Variants in DNAH7 observed in about 807,000 individuals in gnomAD.
The protein encoded by DNAH7 is dynein axonemal heavy chain 7, also known as axonemal beta dynein heavy chain 7.
In DNAH7, 397 loss-of-function variants were observed where a neutral mutation model predicts 444.6. The ratio of observed to expected loss-of-function variants is 0.89; its 90% CI spans 0.82 to 0.97. The LOEUF (loss-of-function observed/expected upper bound fraction) is 0.97. Among genes scored for constraint, DNAH7 ranks in the 50% least tolerant of loss-of-function variants. DNAH7 has a pLI of 0.00. For synonymous variants in DNAH7, 1,636 were observed against 1,624.4 expected, an observed-to-expected ratio of 1.01 and a Z score of -0.17; for missense variants, 4,902 against 4,800.8, an observed-to-expected ratio of 1.02 and a Z score of -0.62.
intron 63 of DNAH7, among the ~76,000 whole-genome samples, chr2:195,745,602 A>G (rs966369530): frequency 1.3e-5 from 2 of 152,216 alleles, no homozygotes; most frequent in East Asian, 3.8e-4. Flanking sequence ...GGGCAGCCAG[A>G]GACAAAGGTC....
At chr2:195,760,322 G>A (rs1298336550) in intron 61 of DNAH7, among the ~76,000 whole-genome samples, 7 of 152,164 alleles carry the variant, frequency 4.6e-5, no homozygotes, top group African/African-American at 4.8e-5. Context: ...CAGCATCTCT[G>A]GACTCATCCA....
At chr2:195,916,664 C>A (rs538696364) in intron 24 of DNAH7, among the ~76,000 whole-genome samples, 3 of 152,176 alleles carry the variant, frequency 2.0e-5, no homozygotes, top group African/African-American at 7.2e-5. Context: ...TTGAGACCAG[C>A]CTGGCTAAAA....
intron 5 of DNAH7, among the ~76,000 whole-genome samples, chr2:196,029,295 T>C (rs1695887089): frequency 6.6e-6 from 1 of 152,114 alleles, no homozygotes; most frequent in Admixed American, 6.5e-5. Flanking sequence ...GAAATGCTCA[T>C]CCTACCTACC....
intron 10 of DNAH7, among the ~76,000 whole-genome samples, chr2:196,008,346 T>A (rs142604967): frequency 6.6e-6 from 1 of 152,186 alleles, no homozygotes; most frequent in East Asian, 1.9e-4. Context: ...GAATGTGAAA[T>A]CTTATAGTCA....
At chr2:195,764,126 G>T (rs1015653422) in intron 61 of DNAH7, among the ~76,000 whole-genome samples, 2 of 151,434 alleles carry the variant, frequency 1.3e-5, no homozygotes, top group Non-Finnish European at 2.9e-5. Flanking sequence ...CAGAATGAAG[G>T]ACAAAAACTG....
At chr2:195,909,473 A>C (rs1310048679) in intron 25 of DNAH7, among the ~76,000 whole-genome samples, 7 of 152,142 alleles carry the variant, frequency 4.6e-5, no homozygotes, top group African/African-American at 1.7e-4. Context: ...CAAGAATCTA[A>C]CTTAGAATTT....
intron 12 of DNAH7, among the ~76,000 whole-genome samples, chr2:195,993,573 T>G (rs1410614935): frequency 6.6e-6 from 1 of 152,210 alleles, no homozygotes; most frequent in African/African-American, 2.4e-5. Flanking sequence ...GGCAGAACTC[T>G]ACTAGTCTTC....
intron 29 of DNAH7, among the ~76,000 whole-genome samples, chr2:195,897,297 C>T (rs1018494659): frequency 6.6e-6 from 1 of 152,080 alleles, no homozygotes; most frequent in African/African-American, 2.4e-5. Context: ...TATTTTATTT[C>T]TTCAGTCATT....
At chr2:195,887,743 T>C (rs1701787369) in intron 33 of DNAH7, among the ~76,000 whole-genome samples, 1 of 152,144 alleles carries the variant, frequency 6.6e-6, no homozygotes, top group South Asian at 2.1e-4. Flanking sequence ...AGAGAGAGTT[T>C]AAGAGCCTCG....
chr2:195,945,126 T>C (rs1689714208), intron 19 of DNAH7, among the ~76,000 whole-genome samples: 1 of 152,060 alleles, frequency 6.6e-6, no homozygotes, highest in South Asian at 2.1e-4. Context: ...GGTTCTGGTA[T>C]AGTTTATTCA....
chr2:195,982,070 C>T (rs994567941), intron 15 of DNAH7, among the ~76,000 whole-genome samples: 2 of 152,030 alleles, frequency 1.3e-5, no homozygotes, highest in African/African-American at 4.8e-5. Context: ...ACCCATCTGA[C>T]GAAGGATTAA....
chr2:196,054,727 G>GT (rs1697696979), intron 2 of DNAH7, among the ~76,000 whole-genome samples: 1 of 152,096 alleles, frequency 6.6e-6, no homozygotes, highest in Admixed American at 6.5e-5. Flanking sequence ...TGGGTGGGAG[G>GT]TAATTGAATC....
intron 3 of DNAH7, among the ~76,000 whole-genome samples, chr2:196,050,922 A>C (rs1202025309): frequency 6.6e-6 from 1 of 152,090 alleles, no homozygotes; most frequent in African/African-American, 2.4e-5. Flanking sequence ...TTTTTTATTT[A>C]CTCCAACGCT....
chr2:195,919,143 G>A (rs1442216461), intron 24 of DNAH7, among the ~76,000 whole-genome samples: 10 of 151,500 alleles, frequency 6.6e-5, no homozygotes, highest in Admixed American at 3.3e-4. Flanking sequence ...CCAGCTACTC[G>A]GGAGACTGAG....
intron 23 of DNAH7, 87 bp from the exon 24 acceptor site, chr2:195,922,284 T>C: frequency 2.7e-6 from 2 of 738,140 alleles, no homozygotes; most frequent in South Asian, 1.9e-5. Context: ...ATAACCATAA[T>C]ATAGACATCT....
At chr2:195,851,771 C>A (rs1334748152) in intron 46 of DNAH7, among the ~76,000 whole-genome samples, 2 of 152,132 alleles carry the variant, frequency 1.3e-5, no homozygotes, top group Non-Finnish European at 2.9e-5. Flanking sequence ...GAATGCTAGA[C>A]AGGAGCCAGT....
intron 19 of DNAH7, among the ~76,000 whole-genome samples, chr2:195,949,548 C>T (rs1464086599): frequency 3.3e-5 from 5 of 152,070 alleles, no homozygotes; most frequent in South Asian, 2.1e-4. Flanking sequence ...CCTCCCAAAG[C>T]GCTGGGATTA....
At chr2:195,861,094 C>A (rs1699990024) in intron 42 of DNAH7, among the ~76,000 whole-genome samples, 1 of 152,020 alleles carries the variant, frequency 6.6e-6, no homozygotes, top group Admixed American at 6.5e-5. Flanking sequence ...ACACATTAAT[C>A]CAAGGTCCCC....
intron 57 of DNAH7, 61 bp from the exon 58 acceptor site, chr2:195,787,232 C>CATATTTT: frequency 6.7e-7 from 1 of 1,499,662 alleles, no homozygotes; most frequent in Non-Finnish European, 8.9e-7. Context: ...TTATATTTAC[C>CATATTTT]ATATTTTAAA....
Sources: gnomAD v4.1 joint callset for allele counts (sites outside exome capture counted in the v4.1 genomes callset) on GRCh38, gnomAD v4.1.1 for gene constraint, MANE v1.5 for transcripts, NCBI Gene and HGNC (gene_info 2026-07-23, HGNC 2026-07-21) for gene names.